The following SMTNL2 variants were observed in gnomAD, a reference collection of about 807,000 sequenced individuals.
SMTNL2 encodes the protein smoothelin-like protein 2.
In SMTNL2, 43 loss-of-function variants were observed where a neutral mutation model predicts 44.1. The ratio of observed to expected loss-of-function variants is 0.98; its 90% confidence interval spans 0.76 to 1.26. SMTNL2 has a LOEUF of 1.26. SMTNL2 is among the 50% of genes most tolerant of loss of function. SMTNL2 has a pLI of 0.00. For synonymous variants in SMTNL2, 317 were observed against 287.6 expected (o/e 1.10, Z -1.03); for missense variants, 646 against 670.2 (o/e 0.96, Z 0.40).
Position 4,600,149 on chromosome 17 carries a change from C to A in SMTNL2, c.1259+2826C>A, listed in dbSNP as rs972038917. Among the ~76,000 whole-genome samples the A allele has an allele frequency of 1.3e-5, 2 of 152,182 alleles. No individual in the cohort carries two copies. The highest frequency in any genetic ancestry group is 2.9e-5 in the Non-Finnish European group (2 of 68,030). On this transcript the variant is annotated intron_variant, in intron 7 of 7. Transcript: ENST00000389313. This position sits in a 1 kb window ranked among gnomAD's most constrained non-coding sequence, Gnocchi z 4.7. ...AGGGGGAGAGGGCTGGGAAGACTGG[C>A]TCGCCTGCCTGGGGCCTCTGGGGAG... is the stretch of plus-strand genomic sequence containing the variant.
At position 4,592,344 on chromosome 17, in the gene SMTNL2, C is replaced by T. The variant is rs776792592; in HGVS notation, c.400-17C>T. 6.1e-5 allele frequency: 99 copies of T among 1,612,358 alleles called. No homozygotes were observed. Among genetic ancestry groups the T allele is most frequent in the Non-Finnish European group, 8.1e-5 (96 of 1,179,586 alleles). On this transcript the variant is annotated splice_polypyrimidine_tract_variant and intron_variant, in intron 1 of 7. Transcript: ENST00000389313. This position sits in a 1 kb window ranked among gnomAD's most constrained non-coding sequence, Gnocchi z 4.5. ...GCCCTAGCTGATGGGGTCTCGGTGACATTTGTGTCTCTGTAGAGTTTGGAT... is the reference window on the plus strand; with the variant it reads ...GCCCTAGCTGATGGGGTCTCGGTGATATTTGTGTCTCTGTAGAGTTTGGAT...
Position 4,593,022 on chromosome 17 carries a change from A to G in SMTNL2, c.581A>G (p.His194Arg). Reference protein sequence around the residue: ...RPVSLSLRLPHQPVTAITRVS... With the variant: ...RPVSLSLRLPRQPVTAITRVS... ...GTGAGCCTCTCCTTGCGGCTGCCCC[A>G]CCAGCCAGTCACGGCCATCACCCGA... The change falls in exon 3 of 8, where the codon CAC becomes CGC. Residue 194 changes from histidine (H) to arginine (R), a missense_variant. By Grantham distance (29) the His-to-Arg change is conservative. Coordinates refer to ENST00000389313, the MANE Select transcript of SMTNL2 (RefSeq NM_001114974.2). 6.2e-7 allele frequency: 1 copy of G among 1,610,994 alleles called. No homozygotes were observed. The highest frequency in any genetic ancestry group is 8.5e-7 in the Non-Finnish European group (1 of 1,179,176).
chr17:4,593,968 C>T, intron 4 of SMTNL2, 71 bp downstream of exon 4: 1 of 1,562,424 alleles, frequency 6.4e-7, no homozygotes, highest in Non-Finnish European at 8.8e-7. Context: ...ACGCAGGCCG[C>T]CCAGGGTTGG....
At chr17:4,593,292 G>C in intron 3 of SMTNL2, 121 bp downstream of exon 3, 1 of 1,361,318 alleles carries the variant, frequency 7.3e-7, no homozygotes, top group Non-Finnish European at 9.7e-7. Flanking sequence ...GCCCAGCCCT[G>C]CCTCTGCCTG....
rs548022143 is a variant in SMTNL2 at position 4,595,252 on chromosome 17, C to T, written c.914C>T (p.Thr305Met). 15 of 1,613,250 alleles carry T rather than the reference C, an allele frequency of 9.3e-6. No individual in the cohort carries two copies. Among genetic ancestry groups the T allele is most frequent in the African/African-American group, 4.0e-5 (3 of 75,062 alleles). ...CGCAGGGAGCTGGTGAGGTCGCAGA[C>T]GCTGCCCCGCACCTCGGAGGCGCAG... ...ERRRELVRSQ[T>M]LPRTSEAQAR... The change falls in exon 5 of 8, where the codon ACG (threonine) becomes ATG (methionine). Residue 305 changes from threonine (T) to methionine (M), a missense_variant. Coordinates refer to ENST00000389313, the MANE Select transcript of SMTNL2 (RefSeq NM_001114974.2). This position sits in a 1 kb window ranked among gnomAD's most constrained non-coding sequence, Gnocchi z 5.1.
chr17:4,596,826 G>A (rs1462999662), intron 5 of SMTNL2, 34 bp from the exon 6 acceptor site: 33 of 1,416,200 alleles, frequency 2.3e-5, no homozygotes, highest in African/African-American at 4.4e-5. Context: ...GCAGCTGGAG[G>A]GGCCCCCGCA....
chr17:4,603,999 C>G (rs1910156612), intron 7 of SMTNL2, among the ~76,000 whole-genome samples: 1 of 152,168 alleles, frequency 6.6e-6, no homozygotes, highest in African/African-American at 2.4e-5. Flanking sequence ...CATACGCCAC[C>G]ACACCCAGCT....
At chr17:4,599,188 C>T (rs1306190156) in intron 7 of SMTNL2, among the ~76,000 whole-genome samples, 1 of 152,224 alleles carries the variant, frequency 6.6e-6, no homozygotes, top group African/African-American at 2.4e-5. Context: ...CGCTTGGACT[C>T]AGCCCCCTGG....
intron 6 of SMTNL2, 68 bp from the exon 7 acceptor site, chr17:4,597,104 C>T: frequency 1.5e-5 from 23 of 1,570,456 alleles, no homozygotes; most frequent in East Asian, 2.3e-5. Context: ...GTAGGAACCA[C>T]GGTAATTATG....
rs2150523889 is a variant in SMTNL2, at chr17:4,598,745, AC to A, written c.1259+1425del. On this transcript the variant is annotated intron_variant, in intron 7 of 7. Coordinates refer to ENST00000389313, the MANE Select transcript of SMTNL2 (RefSeq NM_001114974.2). The surrounding 1 kb of genome is among the most constrained non-coding windows in gnomAD (Gnocchi z 4.8). ...AGGCTGAGGCAGGAGAATTGTTAGA[AC>A]CCAAGAGAAAGAGGTTGCAGTGAGC... Among the ~76,000 whole-genome samples the A allele has an allele frequency of 6.6e-6, 1 of 151,994 alleles. No homozygotes were observed. Among genetic ancestry groups the A allele is most frequent in the South Asian group, 2.1e-4 (1 of 4,802 alleles).
rs562307892 is a variant in SMTNL2, at chr17:4,600,036, C to T, written c.1259+2713C>T. Among the ~76,000 whole-genome samples, 6 of 152,276 alleles carry T rather than the reference C, an allele frequency of 3.9e-5. No individual in the cohort carries two copies. Among genetic ancestry groups the T allele is most frequent in the African/African-American group, 1.4e-4 (6 of 41,554 alleles). Reference sequence around the variant, plus strand: ...CGTGGGGAGGGGCGTCCACCGCAGGCCTGTGCCGGGGGGTCGGGGGAGTTT... The same window carrying T: ...CGTGGGGAGGGGCGTCCACCGCAGGTCTGTGCCGGGGGGTCGGGGGAGTTT... On this transcript the variant is annotated intron_variant, in intron 7 of 7. Coordinates refer to ENST00000389313, the MANE Select transcript of SMTNL2 (RefSeq NM_001114974.2). The surrounding 1 kb of genome is among the most constrained non-coding windows in gnomAD (Gnocchi z 4.7).
chr17:4,604,462 A>G (rs982498214), intron 7 of SMTNL2, among the ~76,000 whole-genome samples: 9 of 152,220 alleles, frequency 5.9e-5, no homozygotes, highest in African/African-American at 1.9e-4. Flanking sequence ...GTAATGTTAC[A>G]GTCTTGTCTC....
At chr17:4,601,400 G>C (rs749157787) in intron 7 of SMTNL2, among the ~76,000 whole-genome samples, 1 of 116,868 alleles carries the variant, frequency 8.6e-6, no homozygotes, top group Non-Finnish European at 1.8e-5. Context: ...GGGCAACAGA[G>C]TGAGACCTCA....
chr17:4,595,993 G>C lies in SMTNL2; in HGVS notation c.989+666G>C, dbSNP rs1235783622. ...GCTGTGTGCAGGGTGTGGCCCACGC[G>C]TGGTATTGATGCCTGCTGTGTGCAG... is the stretch of plus-strand genomic sequence containing the variant. On this transcript the variant is annotated intron_variant, in intron 5 of 7. Transcript: ENST00000389313. The surrounding 1 kb of genome is among the most constrained non-coding windows in gnomAD (Gnocchi z 5.1). Among the ~76,000 whole-genome samples the C allele has an allele frequency of 5.5e-5, 7 of 126,822 alleles. No homozygotes were observed. Among genetic ancestry groups the C allele is most frequent in the African/African-American group, 1.4e-4 (5 of 34,914 alleles). 83.2% of individuals were successfully genotyped at this position (126,822 alleles called of 152,430 possible). A position where few individuals can be genotyped will look rare whatever the true frequency, so the allele number is the denominator to read the frequency against.
rs1597406490 is a variant in SMTNL2 at position 4,584,539 on chromosome 17, C to T, written c.-67C>T. 8.3e-7 allele frequency: 1 copy of T among 1,210,990 alleles called. No individual in the cohort carries two copies. Among genetic ancestry groups the T allele is most frequent in the East Asian group, 3.4e-5 (1 of 29,712 alleles). The allele number at this position is 1,210,990 out of a possible 1,614,324, so 75.0% of individuals were successfully genotyped here. A position where few individuals can be genotyped will look rare whatever the true frequency, so the allele number is the denominator to read the frequency against. On this transcript the variant is annotated 5_prime_UTR_variant, in exon 1 of 8. Coordinates refer to ENST00000389313, the MANE Select transcript of SMTNL2 (RefSeq NM_001114974.2). ...CAGCCACGGACGGCCAGTCGCGGCC[C>T]GGAGCTGCGGAGCTCGGATCTTCTC...
intron 1 of SMTNL2, among the ~76,000 whole-genome samples, chr17:4,586,621 G>A (rs951466695): frequency 3.3e-5 from 5 of 152,212 alleles, no homozygotes; most frequent in African/African-American, 1.2e-4. Context: ...TAGGTTAGGA[G>A]TTGGTGGATG....
intron 7 of SMTNL2, among the ~76,000 whole-genome samples, chr17:4,604,002 A>T: frequency 6.6e-6 from 1 of 151,978 alleles, no homozygotes; most frequent in Middle Eastern, 3.4e-3. Flanking sequence ...ACGCCACCAC[A>T]CCCAGCTAAT....
chr17:4,607,007 C>T lies in SMTNL2; in HGVS notation c.1260-354C>T, dbSNP rs1039302067. 1.5e-4 allele frequency among the ~76,000 whole-genome samples: 23 copies of T among 152,198 alleles called. No homozygotes were observed. Among genetic ancestry groups the T allele is most frequent in the African/African-American group, 5.5e-4 (23 of 41,516 alleles). ...AGACAAGGCGTGAGGATCACTTGGG[C>T]CTAGGAGATCGAGGCTGCAATAAGC... is the stretch of plus-strand genomic sequence containing the variant. On this transcript the variant is annotated intron_variant, in intron 7 of 7. Transcript: ENST00000389313. The surrounding 1 kb of genome is among the most constrained non-coding windows in gnomAD (Gnocchi z 4.7).
At chr17:4,593,704 AGCTCATCC>A in intron 3 of SMTNL2, 110 bp from the exon 4 acceptor site, 1 of 981,344 alleles carries the variant, frequency 1.0e-6, no homozygotes. Context: ...CCAGAAGGTT[AGCTCATCC>A]ATGCAGCGAT....
Sources: gnomAD v4.1 joint callset for allele counts (sites outside exome capture counted in the v4.1 genomes callset) on GRCh38, gnomAD v4.1.1 for gene constraint, Gnocchi (gnomAD v3.1) non-coding constraint, MANE v1.5 for transcripts, NCBI Gene and HGNC (gene_info 2026-07-23, HGNC 2026-07-21) for gene names.